The following DNAJC1 variants were observed in gnomAD, a reference collection of about 807,000 sequenced individuals.
DNAJC1 encodes the protein DnaJ heat shock protein family (Hsp40) member C1, also known as dnaJ homolog subfamily C member 1.
Under a neutral mutation model 76.6 loss-of-function variants are expected in DNAJC1, and 58 were observed. The ratio of observed to expected loss-of-function variants is 0.76; its 90% CI spans 0.61 to 0.94. The LOEUF (loss-of-function observed/expected upper bound fraction) is 0.94. DNAJC1 is among the 40% of genes least tolerant of loss of function. The pLI is 0.00. For synonymous variants in DNAJC1, 258 were observed against 267.9 expected (o/e 0.96, Z 0.36); for missense variants, 689 against 677.3 (o/e 1.02, Z -0.19).
intron 9 of DNAJC1, 74 bp downstream of exon 9, chr10:21,805,906 T>A: frequency 1.3e-6 from 2 of 1,582,502 alleles, no homozygotes; most frequent in South Asian, 2.2e-5. Context: ...GTGGAACCCA[T>A]CTATGTCTGC....
In DNAJC1 at chr10:21,882,328, T is replaced by C; in HGVS notation, c.932A>G (p.Gln311Arg). The C allele has an allele frequency of 6.2e-7, 1 of 1,605,834 alleles. No homozygotes were observed. The highest frequency in any genetic ancestry group is 8.5e-7 in the Non-Finnish European group (1 of 1,177,748). ...CCTGTTTTCCAACCAATCATCCATT[T>C]GTTCCTCAATTTCTTCTATGGAAGT... is the stretch of plus-strand genomic sequence containing the variant. The part of the protein sequence containing the change: ...HGTSIEEIEE[Q>R]MDDWLENRNR... Residue 311 changes from glutamine (Q) to arginine (R), a missense_variant, in exon 8 of 12, where the codon CAA becomes CGA. Coordinates refer to ENST00000376980, the MANE Select transcript of DNAJC1 (RefSeq NM_022365.4).
chr10:21,775,937 G>C (rs16921919), intron 9 of DNAJC1, among the ~76,000 whole-genome samples: 8,498 of 152,090 alleles, frequency 0.056, 491 homozygotes, highest in African/African-American at 0.14. Flanking sequence ...AACTGTGGTG[G>C]AATATGTTTC....
intron 7 of DNAJC1, among the ~76,000 whole-genome samples, chr10:21,893,251 G>A (rs1384767779): frequency 3.3e-5 from 5 of 152,076 alleles, no homozygotes; most frequent in Non-Finnish European, 7.4e-5. Context: ...ATTTGGAAAC[G>A]AAGCAATATA....
intron 10 of DNAJC1, among the ~76,000 whole-genome samples, chr10:21,763,248 C>T (rs569974641): frequency 1.3e-5 from 2 of 152,284 alleles, no homozygotes; most frequent in South Asian, 2.1e-4. Flanking sequence ...TACTTTCAAA[C>T]GTCCTTTCTA....
chr10:21,821,155 T>C (rs1191445009), intron 8 of DNAJC1, among the ~76,000 whole-genome samples: 2 of 152,168 alleles, frequency 1.3e-5, no homozygotes, highest in African/African-American at 4.8e-5. Flanking sequence ...TTCTCTGGAA[T>C]GACGGTCTTA....
chr10:21,894,666 A>C (rs1735278945), intron 7 of DNAJC1, among the ~76,000 whole-genome samples: 1 of 152,232 alleles, frequency 6.6e-6, no homozygotes. Flanking sequence ...AAGATAATGC[A>C]AAAAGAGAAA....
chr10:21,882,535 T>A, intron 7 of DNAJC1, 96 bp from the exon 8 acceptor site: 1 of 794,860 alleles, frequency 1.3e-6, no homozygotes, highest in Non-Finnish European at 1.8e-6. Flanking sequence ...AAAGAAAACA[T>A]CAAAATATAA....
intron 1 of DNAJC1, among the ~76,000 whole-genome samples, chr10:21,954,952 G>T (rs1837654997): frequency 6.6e-6 from 1 of 152,058 alleles, no homozygotes. Flanking sequence ...TTTAAGTCAG[G>T]TTTTCTCAAC....
chr10:21,954,221 A>C (rs1389296977), intron 1 of DNAJC1, among the ~76,000 whole-genome samples: 1 of 152,218 alleles, frequency 6.6e-6, no homozygotes, highest in Non-Finnish European at 1.5e-5. Context: ...AGGAAATAAA[A>C]TTATGATGTG....
Position 21,846,186 on chromosome 10 carries a change from T to C in DNAJC1, c.978+36096A>G, listed in dbSNP as rs75391345. Among the ~76,000 whole-genome samples, 1,256 of 152,330 alleles carry C rather than the reference T, an allele frequency of 8.2e-3. 12 individuals carry two copies. Among genetic ancestry groups the C allele is most frequent in the African/African-American group, 0.028 (1,164 of 41,580 alleles). Reference sequence around the variant, plus strand: ...TGATGTAAGGCTTAATTGAGGTAGTTTGCGTACAATGTCTGTGAACTGAAG... The same window carrying C: ...TGATGTAAGGCTTAATTGAGGTAGTCTGCGTACAATGTCTGTGAACTGAAG... On this transcript the variant is annotated intron_variant, in intron 8 of 11. Transcript: ENST00000376980.
In DNAJC1 at chr10:21,867,794, G is replaced by A. The variant is rs567613367; in HGVS notation, c.978+14488C>T. 5.3e-5 allele frequency among the ~76,000 whole-genome samples: 8 copies of A among 151,936 alleles called. No individual in the cohort carries two copies. In the South Asian group the frequency reaches 6.2e-4, roughly 12 times the overall value. On this transcript the variant is annotated intron_variant, in intron 8 of 11. Coordinates refer to ENST00000376980, the MANE Select transcript of DNAJC1 (RefSeq NM_022365.4). The stretch of plus-strand genomic sequence containing the variant: ...TTAGTGTAAAACTGGGTGACAGGCC[G>A]GGTGCCGTAGCTCACGTTTGTAATC...
chr10:21,903,359 C>T (rs1393206344), intron 7 of DNAJC1, among the ~76,000 whole-genome samples: 1 of 152,210 alleles, frequency 6.6e-6, no homozygotes, highest in Non-Finnish European at 1.5e-5. Context: ...CACACTCCTA[C>T]TTTTTAACAC....
At chr10:21,979,712 CTTT>C (rs771102291) in intron 1 of DNAJC1, among the ~76,000 whole-genome samples, 1 of 142,478 alleles carries the variant, frequency 7.0e-6, no homozygotes. Context: ...TATAATTTTT[CTTT>C]TTTTTTTTTT....
intron 1 of DNAJC1, among the ~76,000 whole-genome samples, chr10:21,951,635 A>C (rs538339565): frequency 6.6e-6 from 1 of 152,272 alleles, no homozygotes; most frequent in Admixed American, 6.5e-5. Flanking sequence ...AGAGAGACTC[A>C]AGTTACAAAT....
chr10:21,845,556 T>C (rs559416238), intron 8 of DNAJC1, among the ~76,000 whole-genome samples: 3 of 152,208 alleles, frequency 2.0e-5, no homozygotes, highest in Admixed American at 1.3e-4. Context: ...GGTTTCACCA[T>C]GTTGGCCAGG....
chr10:21,834,354 C>A lies in DNAJC1; in HGVS notation c.979-28255G>T, dbSNP rs190070142. 2.3e-3 allele frequency among the ~76,000 whole-genome samples: 343 copies of A among 152,306 alleles called. 3 individuals carry two copies. The highest frequency in any genetic ancestry group is 7.9e-3 in the African/African-American group (327 of 41,566). Reference sequence around the variant, plus strand: ...GGACTAAGGAGAGGAGCCAAGATGGCCGAATGGGAACAGCTCTGGTCTACA... The same window carrying A: ...GGACTAAGGAGAGGAGCCAAGATGGACGAATGGGAACAGCTCTGGTCTACA... On this transcript the variant is annotated intron_variant, in intron 8 of 11. Coordinates refer to ENST00000376980, the MANE Select transcript of DNAJC1 (RefSeq NM_022365.4).
chr10:21,891,065 C>T (rs1327279735), intron 7 of DNAJC1, among the ~76,000 whole-genome samples: 1 of 152,056 alleles, frequency 6.6e-6, no homozygotes. Context: ...TAGTGCATGC[C>T]TGTAATCCCA....
chr10:21,910,882 G>GAA (rs1836846905), intron 6 of DNAJC1, among the ~76,000 whole-genome samples: 1 of 138,950 alleles, frequency 7.2e-6, no homozygotes. Flanking sequence ...GAGAGGAGAG[G>GAA]AGGAAGGAAA....
chr10:21,791,574 A>G (rs1425563965), intron 9 of DNAJC1, among the ~76,000 whole-genome samples: 1 of 152,224 alleles, frequency 6.6e-6, no homozygotes, highest in African/African-American at 2.4e-5. Flanking sequence ...CAAAACTAGA[A>G]ATCAATACCA....
Sources: allele counts gnomAD v4.1 joint callset (sites outside exome capture counted in the v4.1 genomes callset), GRCh38; gene constraint gnomAD v4.1.1; transcripts MANE v1.5; gene names NCBI Gene and HGNC (gene_info 2026-07-23, HGNC 2026-07-21).